The following RNF125 variants were observed in gnomAD, a reference collection of about 807,000 sequenced individuals.
RNF125 encodes ring finger protein 125.
A neutral mutation model predicts 26.0 loss-of-function variants in RNF125; 21 were observed. The ratio of observed to expected loss-of-function variants is 0.81; its 90% CI spans 0.57 to 1.16. The LOEUF (loss-of-function observed/expected upper bound fraction) is 1.16. Ranked by LOEUF, RNF125 falls within the 50% of genes most tolerant of loss-of-function variation. The pLI, the probability that RNF125 is intolerant of heterozygous loss-of-function variation, is 0.00. For synonymous variants in RNF125, 95 were observed against 109.2 expected (o/e 0.87, Z 0.81); for missense variants, 270 against 299.4 (o/e 0.90, Z 0.72).
intron 4 of RNF125, among the ~76,000 whole-genome samples, chr18:32,060,975 C>A (rs960340497): frequency 3.9e-5 from 6 of 152,184 alleles, no homozygotes; most frequent in Admixed American, 3.9e-4. Context: ...GCCTGGTCAA[C>A]AAAGTGAGAT....
chr18:32,034,771 CG>C (rs918860476), intron 1 of RNF125, among the ~76,000 whole-genome samples: 3 of 151,702 alleles, frequency 2.0e-5, no homozygotes, highest in African/African-American at 7.3e-5. Flanking sequence ...AAAAATTAGC[CG>C]GGCATGGTGG....
At chr18:32,064,605 G>T (rs568019186) in intron 4 of RNF125, among the ~76,000 whole-genome samples, 42 of 151,866 alleles carry the variant, frequency 2.8e-4, no homozygotes, top group African/African-American at 9.7e-4. Flanking sequence ...AAAACCTAGT[G>T]AAATCTTTTT....
At chr18:32,035,891 GC>G (rs1174740200) in intron 1 of RNF125, among the ~76,000 whole-genome samples, 1 of 152,164 alleles carries the variant, frequency 6.6e-6, no homozygotes, top group East Asian at 1.9e-4. Context: ...AGTGGCTCAC[GC>G]CTGTAATCCC....
At chr18:32,044,209 C>G (rs7238779) in intron 3 of RNF125, among the ~76,000 whole-genome samples, 3,183 of 152,100 alleles carry the variant, frequency 0.021, 106 homozygotes, top group African/African-American at 0.065. Context: ...GTTTCAGCAT[C>G]TTGGCCAGGC....
the RNF125 span, among the ~76,000 whole-genome samples, chr18:32,084,321 T>C: frequency 6.6e-6 from 1 of 152,118 alleles, no homozygotes. Context: ...TGCCACTGCA[T>C]TCCCGCCTGT....
chr18:32,051,046 G>T (rs985586938), intron 4 of RNF125, among the ~76,000 whole-genome samples: 3 of 151,520 alleles, frequency 2.0e-5, no homozygotes, highest in Non-Finnish European at 4.4e-5. Flanking sequence ...TCTTTCACTG[G>T]TTGGCTCTTA....
chr18:32,043,752 A>G (rs2039241683), intron 3 of RNF125, among the ~76,000 whole-genome samples: 2 of 152,188 alleles, frequency 1.3e-5, no homozygotes. Flanking sequence ...GAAAATGGAG[A>G]GGGTTGTTGA....
At chr18:32,048,462 C>CAA (rs55901830) in intron 4 of RNF125, among the ~76,000 whole-genome samples, 58,119 of 147,570 alleles carry the variant, frequency 0.39, 11,321 homozygotes, top group South Asian at 0.43. Flanking sequence ...AAACCTGTCT[C>CAA]AAAAAAAAAG....
At chr18:32,061,112 C>T (rs532256228) in intron 4 of RNF125, among the ~76,000 whole-genome samples, 6 of 152,268 alleles carry the variant, frequency 3.9e-5, no homozygotes, top group East Asian at 1.9e-4. Context: ...GCAAGCTCCG[C>T]CTCCTGGGTT....
the RNF125 span, among the ~76,000 whole-genome samples, chr18:32,081,193 G>GAAA: frequency 1.5e-4 from 16 of 104,372 alleles, no homozygotes; most frequent in African/African-American, 4.2e-4. Flanking sequence ...GACTACATCT[G>GAAA]AAAAAAAAAA....
chr18:32,059,794 TA>T (rs202004306), intron 4 of RNF125, among the ~76,000 whole-genome samples: 8 of 147,296 alleles, frequency 5.4e-5, no homozygotes, highest in African/African-American at 2.1e-4. Flanking sequence ...TGATTTTGAC[TA>T]TTTTTTTTTA....
intron 1 of RNF125, among the ~76,000 whole-genome samples, chr18:32,033,171 G>A (rs960827546): frequency 2.6e-5 from 4 of 152,198 alleles, no homozygotes; most frequent in African/African-American, 9.6e-5. Context: ...ACGGAGTTAA[G>A]TTTATGCTGA....
chr18:32,044,558 T>C (rs1005787435), intron 3 of RNF125, among the ~76,000 whole-genome samples: 19 of 152,104 alleles, frequency 1.2e-4, no homozygotes, highest in Admixed American at 2.6e-4. Context: ...TTATTTTTTT[T>C]GAGATAGAGT....
At chr18:32,056,749 T>C (rs2039389086) in intron 4 of RNF125, among the ~76,000 whole-genome samples, 1 of 152,110 alleles carries the variant, frequency 6.6e-6, no homozygotes, top group African/African-American at 2.4e-5. Context: ...TTTTTCTAAT[T>C]CTCATGGATT....
intron 1 of RNF125, among the ~76,000 whole-genome samples, chr18:32,023,479 G>C (rs947716653): frequency 6.6e-6 from 1 of 152,040 alleles, no homozygotes. Context: ...TTTACATACC[G>C]CAAGGTCAGG....
intron 1 of RNF125, among the ~76,000 whole-genome samples, chr18:32,033,382 GC>G (rs1284146249): frequency 6.6e-6 from 1 of 152,096 alleles, no homozygotes; most frequent in East Asian, 1.9e-4. Flanking sequence ...ACAAACATTT[GC>G]CGAACATGGT....
In RNF125 at chr18:32,068,372, G is replaced by T; in HGVS notation, c.687G>T (p.Ser229=). The T allele has an allele frequency of 6.3e-7, 1 of 1,579,304 alleles. No homozygotes were observed. Among genetic ancestry groups the T allele is most frequent in the South Asian group, 1.1e-5 (1 of 90,316 alleles). ...CACTTCTTGAATATGTGAATCACTC[G>T]AACACCACATAATTTTATTAAAACG... ...DRSLLEYVNH[S]NTT Residue 229 remains serine (S), a synonymous_variant, in exon 6 of 6, where the codon TCG becomes TCT. Coordinates refer to ENST00000217740, the MANE Select transcript of RNF125 (RefSeq NM_017831.4).
At chr18:32,086,929 G>A in the RNF125 span, among the ~76,000 whole-genome samples, 1 of 152,094 alleles carries the variant, frequency 6.6e-6, no homozygotes, top group Non-Finnish European at 1.5e-5. Context: ...TGGAATTACA[G>A]GAATGAGCCA....
rs192417331 is a variant in RNF125 at position 32,025,092 on chromosome 18, A to G, written c.164+6065A>G. Among the ~76,000 whole-genome samples the G allele has an allele frequency of 1.1e-4, 16 of 152,170 alleles. 1 individual carries two copies. Among genetic ancestry groups the G allele is most frequent in the Admixed American group, 9.8e-4 (15 of 15,244 alleles). Reference sequence around the variant, plus strand: ...AAAACAAAAACAAACAAAAAAACCTAGCTTGATTTACCAAAGATTACTAAA... The same window carrying G: ...AAAACAAAAACAAACAAAAAAACCTGGCTTGATTTACCAAAGATTACTAAA... On this transcript the variant is annotated intron_variant, in intron 1 of 5. Transcript: ENST00000217740.
Sources: gnomAD v4.1 joint callset for allele counts (sites outside exome capture counted in the v4.1 genomes callset) on GRCh38, gnomAD v4.1.1 for gene constraint, MANE v1.5 for transcripts, NCBI Gene and HGNC (gene_info 2026-07-23, HGNC 2026-07-21) for gene names.